Variants in GULP1 observed in about 807,000 individuals in gnomAD.
GULP1 encodes the protein GULP PTB domain containing engulfment adaptor 1.
Under a neutral mutation model 40.9 loss-of-function variants are expected in GULP1, and 19 were observed. That is an observed-to-expected ratio of 0.46 (90% CI 0.32 to 0.68). GULP1 has a LOEUF of 0.68. Among genes scored for constraint, GULP1 ranks in the 30% least tolerant of loss-of-function variants. The pLI, the probability that GULP1 is intolerant of heterozygous loss-of-function variation, is 0.03. For missense variants in GULP1, 312 were observed against 362.2 expected (o/e 0.86, Z 1.12); for synonymous variants, 119 against 117.6 (o/e 1.01, Z -0.08).
intron 7 of GULP1, among the ~76,000 whole-genome samples, chr2:188,558,034 T>C (rs987997609): frequency 2.6e-5 from 4 of 152,170 alleles, no homozygotes; most frequent in Non-Finnish European, 2.9e-5. Context: ...TCTCTGAAAT[T>C]ACTTCAGGGC....
chr2:188,391,433 T>C (rs181501032), intron 2 of GULP1, among the ~76,000 whole-genome samples: 32 of 152,238 alleles, frequency 2.1e-4, no homozygotes, highest in African/African-American at 7.5e-4. Context: ...CATATAGCAG[T>C]GCTACTGATT....
intron 2 of GULP1, among the ~76,000 whole-genome samples, chr2:188,470,558 C>A (rs1005881586): frequency 4.6e-5 from 7 of 152,082 alleles, no homozygotes; most frequent in East Asian, 1.9e-4. Flanking sequence ...TGGCTATAAA[C>A]TTCCCTCTTA....
chr2:188,322,407 A>G (rs1306255601), intron 1 of GULP1, among the ~76,000 whole-genome samples: 2 of 152,098 alleles, frequency 1.3e-5, no homozygotes, highest in African/African-American at 4.8e-5. Flanking sequence ...CATGGCATGA[A>G]CTTTGTAATA....
intron 1 of GULP1, among the ~76,000 whole-genome samples, chr2:188,366,291 T>C (rs1455165814): frequency 6.6e-6 from 1 of 152,128 alleles, no homozygotes; most frequent in African/African-American, 2.4e-5. Context: ...ACGGTTTACA[T>C]GACAAAGCCA....
chr2:188,305,104 C>T (rs1447668389), intron 1 of GULP1, among the ~76,000 whole-genome samples: 4 of 152,142 alleles, frequency 2.6e-5, no homozygotes, highest in African/African-American at 9.7e-5. Context: ...GGAGTTCCCA[C>T]GATCCCCTCT....
chr2:188,534,120 C>T lies in GULP1; in HGVS notation c.261+4925C>T, dbSNP rs757775742. Among the ~76,000 whole-genome samples, 8 of 152,130 alleles carry T rather than the reference C, an allele frequency of 5.3e-5. No homozygotes were observed. In the South Asian group the frequency reaches 1.4e-3, roughly 28 times the overall value. ...TTACCATTTTCCAGCAACCCTAATG[C>T]TGGTTGTATATACTTGGTATATATC... On this transcript the variant is annotated intron_variant, in intron 6 of 11. Coordinates refer to ENST00000409830, the MANE Select transcript of GULP1 (RefSeq NM_016315.4).
chr2:188,550,123 A>G (rs891926364), intron 7 of GULP1, among the ~76,000 whole-genome samples: 1 of 151,714 alleles, frequency 6.6e-6, no homozygotes, highest in African/African-American at 2.4e-5. Flanking sequence ...TCTCTGTATT[A>G]TTTCTCACAG....
At chr2:188,400,066 G>T (rs1014201751) in intron 2 of GULP1, among the ~76,000 whole-genome samples, 2 of 152,108 alleles carry the variant, frequency 1.3e-5, no homozygotes, top group African/African-American at 2.4e-5. Flanking sequence ...TTGTATAACA[G>T]TTATGGAGGA....
chr2:188,420,025 G>A (rs1213116646), intron 2 of GULP1, among the ~76,000 whole-genome samples: 1 of 152,154 alleles, frequency 6.6e-6, no homozygotes, highest in Admixed American at 6.5e-5. Flanking sequence ...CTTATTTCTG[G>A]GTTCTGTGTT....
intron 6 of GULP1, among the ~76,000 whole-genome samples, chr2:188,536,801 T>C (rs752454456): frequency 2.0e-5 from 3 of 152,164 alleles, no homozygotes; most frequent in Non-Finnish European, 4.4e-5. Context: ...TATTAATTCT[T>C]CCAATTCATG....
chr2:188,551,823 C>G (rs1158683931), intron 7 of GULP1, among the ~76,000 whole-genome samples: 2 of 151,808 alleles, frequency 1.3e-5, no homozygotes, highest in Non-Finnish European at 3.0e-5. Flanking sequence ...TTCTCCACAT[C>G]CTCGCCAACC....
intron 1 of GULP1, among the ~76,000 whole-genome samples, chr2:188,380,034 G>A (rs1225111666): frequency 6.6e-6 from 1 of 152,148 alleles, no homozygotes; most frequent in East Asian, 1.9e-4. Context: ...CCTCTCACTA[G>A]TAACTAAACA....
At position 188,594,657 on chromosome 2, in the gene GULP1, A is replaced by G. The variant is rs536929018; in HGVS notation, c.*646A>G. ...GGTGATGTTAGTTATGATCAGTTATACTCTAAATATTTAATTTGTTTTATA... is the reference window on the plus strand; with the variant it reads ...GGTGATGTTAGTTATGATCAGTTATGCTCTAAATATTTAATTTGTTTTATA... On this transcript the variant is annotated 3_prime_UTR_variant, in exon 12 of 12. Coordinates refer to ENST00000409830, the MANE Select transcript of GULP1 (RefSeq NM_016315.4). 1 of 151,846 alleles carries G rather than the reference A, an allele frequency of 6.6e-6. No homozygotes were observed. Among genetic ancestry groups the G allele is most frequent in the South Asian group, 2.1e-4 (1 of 4,824 alleles). 9.4% of individuals were successfully genotyped at this position (151,846 alleles called of 1,614,324 possible). A position where few individuals can be genotyped will look rare whatever the true frequency, so the allele number is the denominator to read the frequency against.
rs778832408 is a variant in GULP1, at chr2:188,570,116, C to G, written c.605C>G (p.Pro202Arg). ...NQLRITQVSA[P>R]PAGSMTPKSP... ...CTGAGAATAACTCAAGTATCAGCAC[C>G]TCCAGTGAGTATATTGAATATCCTT... The change falls in exon 9 of 12, where the codon CCT (proline) becomes CGT (arginine). Residue 202 changes from proline (P) to arginine (R), a missense_variant. Physicochemically the swap from Pro to Arg is moderately radical, Grantham distance 103. Coordinates refer to ENST00000409830, the MANE Select transcript of GULP1 (RefSeq NM_016315.4). 1 of 1,307,826 alleles carries G rather than the reference C, an allele frequency of 7.6e-7. No individual in the cohort carries two copies. The allele number at this position is 1,307,826 out of a possible 1,614,324, so 81.0% of individuals were successfully genotyped here.
intron 1 of GULP1, among the ~76,000 whole-genome samples, chr2:188,300,024 T>G (rs2106031277): frequency 6.6e-6 from 1 of 152,348 alleles, no homozygotes; most frequent in African/African-American, 2.4e-5. Flanking sequence ...TTAGCTGGAT[T>G]AATAGTTTTA....
chr2:188,566,503 G>T (rs906179068), intron 7 of GULP1, among the ~76,000 whole-genome samples: 1 of 151,970 alleles, frequency 6.6e-6, no homozygotes, highest in African/African-American at 2.4e-5. Flanking sequence ...TGTACAAATT[G>T]AGTATTTAAA....
At chr2:188,476,804 T>C (rs534647042) in intron 2 of GULP1, among the ~76,000 whole-genome samples, 1 of 152,242 alleles carries the variant, frequency 6.6e-6, no homozygotes, top group African/African-American at 2.4e-5. Context: ...TACAATGCAG[T>C]ACCAATAAAT....
At chr2:188,464,321 C>A (rs2059944615) in intron 2 of GULP1, among the ~76,000 whole-genome samples, 1 of 152,170 alleles carries the variant, frequency 6.6e-6, no homozygotes, top group Non-Finnish European at 1.5e-5. Flanking sequence ...GATTACCAGG[C>A]AGAGATTATT....
chr2:188,506,565 CAAGAAATCCT>C (rs1166832365), intron 4 of GULP1, among the ~76,000 whole-genome samples: 1 of 151,910 alleles, frequency 6.6e-6, no homozygotes, highest in African/African-American at 2.4e-5. Context: ...CTCATTAACT[CAAGAAATCCT>C]CAGAAATATC....
Sources: gnomAD v4.1 joint callset for allele counts (sites outside exome capture counted in the v4.1 genomes callset) on GRCh38, gnomAD v4.1.1 for gene constraint, MANE v1.5 for transcripts, NCBI Gene and HGNC (gene_info 2026-07-23, HGNC 2026-07-21) for gene names.